Variants in ENO4 observed in about 807,000 individuals in gnomAD.
ENO4 encodes enolase 4.
A neutral mutation model predicts 63.2 loss-of-function variants in ENO4; 53 were observed. That is an observed-to-expected ratio of 0.84 (90% CI 0.67 to 1.05). The LOEUF is 1.05. Among genes scored for constraint, ENO4 ranks in the 50% least tolerant of loss-of-function variants. ENO4 has a pLI of 0.00. For missense variants in ENO4, 719 were observed against 772.0 expected (o/e 0.93, Z 0.81); for synonymous variants, 266 against 283.8 (o/e 0.94, Z 0.63).
intron 10 of ENO4, among the ~76,000 whole-genome samples, chr10:116,875,079 T>C (rs972943856): frequency 1.3e-5 from 2 of 152,168 alleles, no homozygotes; most frequent in African/African-American, 4.8e-5. Context: ...CCAACCAACT[T>C]ACACTCCAAA....
chr10:116,895,751 G>C (rs1205117978), intron 10 of ENO4, among the ~76,000 whole-genome samples: 5 of 152,132 alleles, frequency 3.3e-5, no homozygotes, highest in Non-Finnish European at 7.4e-5. Flanking sequence ...ACTGGCATTG[G>C]AAATAAAGTT....
chr10:116,880,383 G>A (rs1244661798), intron 13 of ENO4, among the ~76,000 whole-genome samples: 4 of 152,142 alleles, frequency 2.6e-5, no homozygotes, highest in African/African-American at 9.7e-5. Flanking sequence ...AGTAGGCAGC[G>A]TGTTAATTTT....
chr10:116,906,616 A>C (rs2133336425), intron 10 of ENO4: 1 of 1,607,520 alleles, frequency 6.2e-7, no homozygotes, highest in Non-Finnish European at 8.5e-7. Context: ...GGAGAATTCA[A>C]ACCGGCTTAC....
intron 9 of ENO4, chr10:116,873,772 G>A: frequency 1.6e-6 from 1 of 644,406 alleles, no homozygotes; most frequent in Non-Finnish European, 1.9e-6. Flanking sequence ...TACGCAGGCA[G>A]CCAAGTCTAA....
intron 10 of ENO4, among the ~76,000 whole-genome samples, chr10:116,889,987 G>T (rs927677848): frequency 6.6e-6 from 1 of 151,982 alleles, no homozygotes; most frequent in Non-Finnish European, 1.5e-5. Flanking sequence ...CATTCCTATC[G>T]TATGGGAAGA....
intron 10 of ENO4, among the ~76,000 whole-genome samples, chr10:116,874,912 G>A (rs1226521576): frequency 2.0e-5 from 3 of 152,070 alleles, no homozygotes; most frequent in Non-Finnish European, 2.9e-5. Flanking sequence ...GAGCTCAGGA[G>A]ATCCGCCCAC....
Position 116,909,601 on chromosome 10 carries a change from T to C in ENO4, c.1195-1898T>C, listed in dbSNP as rs139441779. 2.1e-3 allele frequency among the ~76,000 whole-genome samples: 317 copies of C among 152,268 alleles called. 1 individual carries two copies. The highest frequency in any genetic ancestry group is 7.4e-3 in the African/African-American group (306 of 41,560). On this transcript the variant is annotated intron_variant, in intron 10 of 10. Transcript: ENST00000369207. ...TATACATATTTTTATCTACAAAATA[T>C]CCAGCTTTAAAACTTAAGTGGAAGT...
chr10:116,884,560 G>A (rs1427130990), downstream of ENO4: 3 of 271,638 alleles, frequency 1.1e-5, no homozygotes, highest in Non-Finnish European at 2.2e-5. Flanking sequence ...GATGAAATAT[G>A]GAAAGACAGT....
intron 11 of ENO4, 25 bp from the exon 12 acceptor site, chr10:116,879,266 A>G (rs1308107823): frequency 4.6e-6 from 7 of 1,530,802 alleles, no homozygotes; most frequent in Non-Finnish European, 6.2e-6. Context: ...ACACCATATA[A>G]AACTGAAAGA....
intron 7 of ENO4, among the ~76,000 whole-genome samples, chr10:116,867,421 C>CAAAA (rs35426438): frequency 5.8e-5 from 8 of 137,732 alleles, no homozygotes; most frequent in Admixed American, 7.3e-5. Flanking sequence ...AAATATTTAC[C>CAAAA]AAAAAAAAAA....
chr10:116,884,015 G>A (rs1010852480), downstream of ENO4: 11 of 223,416 alleles, frequency 4.9e-5, no homozygotes, highest in South Asian at 1.9e-4. Flanking sequence ...ATCAACATTC[G>A]TTTTTCTTAA....
chr10:116,886,258 T>C, downstream of ENO4: 1 of 1,523,928 alleles, frequency 6.6e-7, no homozygotes, highest in East Asian at 2.5e-5. Flanking sequence ...CAGAGCAGAA[T>C]GTCTACAGCC....
At chr10:116,909,339 C>A (rs1848099441) in intron 10 of ENO4, among the ~76,000 whole-genome samples, 1 of 152,116 alleles carries the variant, frequency 6.6e-6, no homozygotes, top group African/African-American at 2.4e-5. Context: ...TCAAAAATTT[C>A]TGGGTATTTT....
chr10:116,878,216 C>T (rs1163732575), intron 11 of ENO4, among the ~76,000 whole-genome samples: 4 of 152,290 alleles, frequency 2.6e-5, no homozygotes, highest in East Asian at 1.9e-4. Context: ...ACAAATACCA[C>T]GAGTGGGTCT....
downstream of ENO4, among the ~76,000 whole-genome samples, chr10:116,912,122 TAGAC>T (rs1222501817): frequency 4.6e-5 from 7 of 152,214 alleles, no homozygotes; most frequent in African/African-American, 9.7e-5. Flanking sequence ...ATTATTATCA[TAGAC>T]AGAGAAGATT....
chr10:116,896,399 C>A (rs1467137164), intron 10 of ENO4, among the ~76,000 whole-genome samples: 1 of 152,122 alleles, frequency 6.6e-6, no homozygotes, highest in East Asian at 1.9e-4. Flanking sequence ...AAATGTGGGA[C>A]TAGTCAACCT....
intron 10 of ENO4, chr10:116,906,639 C>T: frequency 6.2e-7 from 1 of 1,612,416 alleles, no homozygotes; most frequent in Non-Finnish European, 8.5e-7. Flanking sequence ...CTGCTATCTG[C>T]TTCTGCTGTC....
rs1846454322 is a variant in ENO4 at position 116,862,946 on chromosome 10, T to C, written c.990+94T>C. The C allele has an allele frequency of 5.7e-6, 5 of 881,370 alleles. No homozygotes were observed. In the South Asian group the frequency reaches 6.0e-5, roughly 11 times the overall value. The allele number at this position is 881,370 out of a possible 1,614,324, so 54.6% of individuals were successfully genotyped here. On this transcript the variant is annotated intron_variant, in intron 7 of 13. Transcript: ENST00000341276. Reference sequence around the variant, plus strand: ...TCATTTGGACTTAAATCAATTGTGGTTGATATGGAGAATGTATTTATTGGC... The same window carrying C: ...TCATTTGGACTTAAATCAATTGTGGCTGATATGGAGAATGTATTTATTGGC...
chr10:116,880,281 T>G (rs1846967876), intron 13 of ENO4, among the ~76,000 whole-genome samples: 1 of 152,222 alleles, frequency 6.6e-6, no homozygotes, highest in African/African-American at 2.4e-5. Context: ...ATGGTCCAAA[T>G]TATACTTAAG....
Sources: gnomAD v4.1 joint callset for allele counts (sites outside exome capture counted in the v4.1 genomes callset) on GRCh38, gnomAD v4.1.1 for gene constraint, MANE v1.5 for transcripts, NCBI Gene and HGNC (gene_info 2026-07-23, HGNC 2026-07-21) for gene names.